The following RBM25 variants were observed in gnomAD, a reference collection of about 807,000 sequenced individuals.
RBM25 encodes RNA binding motif protein 25.
RBM25 carries 19 observed loss-of-function variants against 120.7 expected under a neutral mutation model. The observed-to-expected ratio is 0.16, with a 90% CI of 0.11 to 0.23. The LOEUF is 0.23. RBM25 is among the 10% of genes least tolerant of loss of function. RBM25 has a pLI of 1.00. For synonymous variants in RBM25, 390 were observed against 326.7 expected, an observed-to-expected ratio of 1.19 and a Z score of -2.09; for missense variants, 605 against 1,041.5, an observed-to-expected ratio of 0.58 and a Z score of 5.77.
At chr14:73,093,792 C>G (rs192646629) in intron 6 of RBM25, among the ~76,000 whole-genome samples, 5 of 152,022 alleles carry the variant, frequency 3.3e-5, no homozygotes, top group Non-Finnish European at 4.4e-5. Flanking sequence ...TAGGTGTGAG[C>G]CACCGCACCC....
rs139468608 is a variant in RBM25 at position 73,061,092 on chromosome 14, C to T, written c.-16+2387C>T. On this transcript the variant is annotated intron_variant, in intron 1 of 18. Transcript: ENST00000261973. Reference sequence around the variant, plus strand: ...TCCTTTTTGGAGATGGAGTCTCGCTCTGTCACCCAGGCTGGAGTGTAGTGG... The same window carrying T: ...TCCTTTTTGGAGATGGAGTCTCGCTTTGTCACCCAGGCTGGAGTGTAGTGG... 6.2e-3 allele frequency among the ~76,000 whole-genome samples: 918 copies of T among 148,750 alleles called. 18 individuals are homozygous for T. The highest frequency in any genetic ancestry group is 0.021 in the African/African-American group (872 of 40,668).
chr14:73,067,066 A>AGTT (rs1566580775), intron 1 of RBM25, among the ~76,000 whole-genome samples: 1 of 130,948 alleles, frequency 7.6e-6, no homozygotes, highest in African/African-American at 2.6e-5. Context: ...GGATACATAT[A>AGTT]ATTTTTTTTT....
intron 6 of RBM25, among the ~76,000 whole-genome samples, chr14:73,092,248 T>G (rs1594917517): frequency 1.0e-5 from 1 of 96,772 alleles, no homozygotes; most frequent in African/African-American, 4.0e-5. Flanking sequence ...AGTGAGAGAT[T>G]GGAGGGAGGG....
intron 1 of RBM25, chr14:73,069,708 A>T (rs919492091): frequency 1.4e-4 from 18 of 130,122 alleles, no homozygotes; most frequent in African/African-American, 4.2e-4. Context: ...TGTTGGGATT[A>T]CAGGCATGAG....
intron 1 of RBM25, among the ~76,000 whole-genome samples, chr14:73,066,195 G>T (rs115468337): frequency 6.6e-6 from 1 of 152,042 alleles, no homozygotes; most frequent in Non-Finnish European, 1.5e-5. Context: ...CCAGTTTTTG[G>T]TTTTGGTCAA....
At position 73,106,000 on chromosome 14, in the gene RBM25, C is replaced by T; in HGVS notation, c.1296C>T (p.Asp432=). The T allele has an allele frequency of 6.2e-7, 1 of 1,613,028 alleles. No homozygotes were observed. Among genetic ancestry groups the T allele is most frequent in the East Asian group, 2.2e-5 (1 of 44,862 alleles). The stretch of plus-strand genomic sequence containing the variant: ...AAAGAGAAAAAGACAAAAAACGGGA[C>T]CGAGAAGAAGATGAAGAAGATGCAT... ...EREREKDKKR[D]REEDEEDAYE... Residue 432 remains aspartate, a synonymous_variant, in exon 11 of 19, where the codon GAC becomes GAT. Coordinates refer to ENST00000261973, the MANE Select transcript of RBM25 (RefSeq NM_021239.3).
chr14:73,095,611 A>AC (rs1462600899), intron 6 of RBM25, among the ~76,000 whole-genome samples: 2 of 152,052 alleles, frequency 1.3e-5, no homozygotes, highest in African/African-American at 4.8e-5. Flanking sequence ...CGCCTCAAAA[A>AC]AAAAAAAAGA....
rs1894921074 is a variant in RBM25 at position 73,058,704 on chromosome 14, G to C, written c.-17G>C. 6.6e-6 allele frequency: 1 copy of C among 152,138 alleles called. No homozygotes were observed. Among genetic ancestry groups the C allele is most frequent in the African/African-American group, 2.4e-5 (1 of 41,424 alleles). The allele number at this position is 152,138 out of a possible 1,614,324, so 9.4% of individuals were successfully genotyped here. A position where few individuals can be genotyped will look rare whatever the true frequency, so the allele number is the denominator to read the frequency against. ...AAGGCAGTACCGTTTCCTCAGCGGCGGGTGAGTTTGTGTCTCTGAACGCGT... is the reference window on the plus strand; with the variant it reads ...AAGGCAGTACCGTTTCCTCAGCGGCCGGTGAGTTTGTGTCTCTGAACGCGT... On this transcript the variant is annotated splice_region_variant and 5_prime_UTR_variant, in exon 1 of 19. Transcript: ENST00000261973.
chr14:73,109,712 G>C (rs1185450032), intron 14 of RBM25, among the ~76,000 whole-genome samples: 9 of 151,962 alleles, frequency 5.9e-5, no homozygotes. Flanking sequence ...AGAATGGCGT[G>C]AACCCGGGAG....
intron 16 of RBM25, 145 bp downstream of exon 16, chr14:73,111,947 G>A (rs1181774929): frequency 8.4e-7 from 1 of 1,195,064 alleles, no homozygotes; most frequent in African/African-American, 1.5e-5. Context: ...TCAATGCCAT[G>A]GTCAAGAAAT....
In RBM25 at chr14:73,085,356, A is replaced by C. The variant is rs779030016; in HGVS notation, c.382+1805A>C. On this transcript the variant is annotated intron_variant, in intron 5 of 18. Coordinates refer to ENST00000261973, the MANE Select transcript of RBM25 (RefSeq NM_021239.3). ...TTTTGAAGAATTCTGTCATTCTTTTATTGAGGAACAAATCTTTTTCATATA... is the reference window on the plus strand; with the variant it reads ...TTTTGAAGAATTCTGTCATTCTTTTCTTGAGGAACAAATCTTTTTCATATA... 1.2e-4 allele frequency among the ~76,000 whole-genome samples: 18 copies of C among 148,528 alleles called. 2 individuals are homozygous for C. The highest frequency in any genetic ancestry group is 2.4e-4 in the Non-Finnish European group (16 of 66,720).
At chr14:73,077,702 C>A (rs1167874970) in intron 4 of RBM25, among the ~76,000 whole-genome samples, 166 bp downstream of exon 4, 1 of 152,202 alleles carries the variant, frequency 6.6e-6, no homozygotes, top group Non-Finnish European at 1.5e-5. Context: ...TTCCTAGATT[C>A]ACCAATGAAC....
chr14:73,068,351 G>GAGT (rs1895192413), intron 1 of RBM25: 1 of 704,716 alleles, frequency 1.4e-6, no homozygotes, highest in Admixed American at 2.0e-5. Flanking sequence ...TCTTGGCAGT[G>GAGT]AGCAGCATTT....
intron 1 of RBM25, among the ~76,000 whole-genome samples, chr14:73,063,936 G>T (rs554869781): frequency 4.6e-5 from 7 of 151,502 alleles, no homozygotes; most frequent in African/African-American, 1.4e-4. Flanking sequence ...TTCTGCTCCA[G>T]TCATACTGTT....
chr14:73,080,385 G>A (rs1407857397), intron 4 of RBM25, among the ~76,000 whole-genome samples: 20 of 151,648 alleles, frequency 1.3e-4, no homozygotes, highest in African/African-American at 4.8e-4. Context: ...CACCATGCCC[G>A]GCTAATTTTT....
intron 6 of RBM25, among the ~76,000 whole-genome samples, chr14:73,095,479 G>T (rs1326173577): frequency 6.6e-6 from 1 of 151,878 alleles, no homozygotes; most frequent in African/African-American, 2.4e-5. Context: ...GGTGGCGGGA[G>T]CCTGTGGTCC....
rs765350189 is a variant in RBM25 at position 73,088,005 on chromosome 14, C to T, written c.387C>T (p.Phe129=). 1.4e-5 allele frequency: 22 copies of T among 1,609,986 alleles called. No homozygotes were observed. In the African/African-American group the frequency reaches 1.9e-4, roughly 14 times the overall value. ...ATTGTTTTCATCCATTGCTAGCCTTCGGATTCTGTGAGTACAAGGAGCCAG... is the reference window on the plus strand; with the variant it reads ...ATTGTTTTCATCCATTGCTAGCCTTTGGATTCTGTGAGTACAAGGAGCCAG... The part of the protein sequence containing the change: ...VQGASGKLQA[F]GFCEYKEPES... Residue 129 remains phenylalanine, a synonymous_variant, in exon 6 of 19, where the codon TTC becomes TTT. Coordinates refer to ENST00000261973, the MANE Select transcript of RBM25 (RefSeq NM_021239.3).
At chr14:73,081,470 C>G (rs1895562186) in intron 4 of RBM25, among the ~76,000 whole-genome samples, 1 of 151,822 alleles carries the variant, frequency 6.6e-6, no homozygotes, top group Admixed American at 6.6e-5. Flanking sequence ...CTCATGTGTT[C>G]TGGTTCCTCT....
intron 5 of RBM25, among the ~76,000 whole-genome samples, chr14:73,086,762 T>TG: frequency 6.6e-6 from 1 of 152,336 alleles, no homozygotes; most frequent in Middle Eastern, 3.4e-3. Flanking sequence ...TGGAGTGCAG[T>TG]GGGGCAATCT....
Sources: allele counts gnomAD v4.1 joint callset (sites outside exome capture counted in the v4.1 genomes callset), GRCh38; gene constraint gnomAD v4.1.1; transcripts MANE v1.5; gene names NCBI Gene and HGNC (gene_info 2026-07-23, HGNC 2026-07-21).